The following SHISA9 variants were observed in gnomAD, a reference collection of about 807,000 sequenced individuals.
The protein encoded by SHISA9 is protein shisa-9.
A neutral mutation model predicts 38.0 loss-of-function variants in SHISA9; 13 were observed. That is an observed-to-expected ratio of 0.34 (90% CI 0.22 to 0.54). SHISA9 has a LOEUF of 0.54. Ranked by LOEUF, SHISA9 falls within the 20% of genes least tolerant of loss-of-function variation. The pLI is 0.91. For synonymous variants in SHISA9, 275 were observed against 242.0 expected, an observed-to-expected ratio of 1.14 and a Z score of -1.27; for missense variants, 538 against 575.8, an observed-to-expected ratio of 0.93 and a Z score of 0.67.
At chr16:13,457,370 G>T in the SHISA9 span, among the ~76,000 whole-genome samples, 1 of 152,098 alleles carries the variant, frequency 6.6e-6, no homozygotes, top group Non-Finnish European at 1.5e-5. Flanking sequence ...AAAACTCAGG[G>T]TGCTTTTGCT....
intron 2 of SHISA9, among the ~76,000 whole-genome samples, chr16:12,960,476 T>C (rs1370013579): frequency 6.6e-6 from 1 of 152,156 alleles, no homozygotes; most frequent in East Asian, 1.9e-4. Context: ...CATATGTTCA[T>C]TGCAGCAATA....
the SHISA9 span, among the ~76,000 whole-genome samples, chr16:13,436,735 A>C: frequency 7.7e-4 from 117 of 152,178 alleles, 4 homozygotes; most frequent in East Asian, 0.019. Flanking sequence ...AACTTTAGGC[A>C]CCTGTTACTA....
the SHISA9 span, among the ~76,000 whole-genome samples, chr16:13,260,007 CTTT>C: frequency 7.3e-3 from 442 of 60,388 alleles, 3 homozygotes; most frequent in African/African-American, 0.028. Flanking sequence ...TTCTTTCTTT[CTTT>C]TTTTTTTTTT....
chr16:13,308,938 A>G, the SHISA9 span, among the ~76,000 whole-genome samples: 1 of 152,230 alleles, frequency 6.6e-6, no homozygotes, highest in African/African-American at 2.4e-5. Flanking sequence ...GATTGGACAA[A>G]GAATAGTTAG....
intron 2 of SHISA9, among the ~76,000 whole-genome samples, chr16:12,978,034 A>T (rs4781369): frequency 6.6e-6 from 1 of 151,910 alleles, no homozygotes; most frequent in Non-Finnish European, 1.5e-5. Flanking sequence ...GGGTGAATAA[A>T]GATGGGGGAG....
the SHISA9 span, among the ~76,000 whole-genome samples, chr16:13,250,222 AG>A: frequency 1.3e-5 from 2 of 152,224 alleles, no homozygotes; most frequent in Admixed American, 1.3e-4. Flanking sequence ...CCAGACCCTC[AG>A]GTGTGACAGA....
chr16:13,242,843 T>A (rs2051445011), downstream of SHISA9, among the ~76,000 whole-genome samples: 1 of 152,214 alleles, frequency 6.6e-6, no homozygotes, highest in Non-Finnish European at 1.5e-5. Context: ...GGGATTTTAG[T>A]GTGTATATTA....
intron 2 of SHISA9, among the ~76,000 whole-genome samples, chr16:12,938,505 T>C (rs1385244597): frequency 1.3e-5 from 2 of 149,594 alleles, no homozygotes; most frequent in Non-Finnish European, 3.0e-5. Flanking sequence ...TCTCTCTCTC[T>C]TTTTTTTTTG....
At chr16:13,189,120 A>G (rs66467356) in intron 2 of SHISA9, among the ~76,000 whole-genome samples, 22,734 of 152,262 alleles carry the variant, frequency 0.15, 1,979 homozygotes, top group Middle Eastern at 0.23. Context: ...TCAGACTTCT[A>G]GCTCTGGGGA....
At chr16:13,498,955 ATC>A in the SHISA9 span, among the ~76,000 whole-genome samples, 3 of 152,122 alleles carry the variant, frequency 2.0e-5, no homozygotes, top group Non-Finnish European at 4.4e-5. Flanking sequence ...TTTGGAAAGA[ATC>A]TGCCTTCTTG....
At chr16:12,939,663 T>C (rs754781858) in intron 2 of SHISA9, among the ~76,000 whole-genome samples, 9 of 152,156 alleles carry the variant, frequency 5.9e-5, no homozygotes, top group Non-Finnish European at 1.3e-4. Flanking sequence ...GTGCTTTTTT[T>C]CCACTCCATC....
chr16:13,469,120 T>C, the SHISA9 span, among the ~76,000 whole-genome samples: 1 of 151,128 alleles, frequency 6.6e-6, no homozygotes, highest in Non-Finnish European at 1.5e-5. Flanking sequence ...TGGGTGTCTG[T>C]AATCCCAGCT....
intron 2 of SHISA9, among the ~76,000 whole-genome samples, chr16:12,963,237 G>C (rs904305831): frequency 6.6e-6 from 1 of 152,178 alleles, no homozygotes; most frequent in African/African-American, 2.4e-5. Flanking sequence ...GAGATGAGTG[G>C]GAATGGTGAG....
At chr16:13,076,987 C>T (rs560015864) in intron 2 of SHISA9, among the ~76,000 whole-genome samples, 23 of 152,168 alleles carry the variant, frequency 1.5e-4, no homozygotes, top group Non-Finnish European at 2.8e-4. Flanking sequence ...GGGTTACAAC[C>T]GGGTTTGAGG....
chr16:13,262,130 T>A, the SHISA9 span, among the ~76,000 whole-genome samples: 17 of 152,194 alleles, frequency 1.1e-4, no homozygotes, highest in Non-Finnish European at 1.9e-4. Flanking sequence ...ATCTCCACTA[T>A]CCTCAAATGC....
At chr16:13,366,880 G>T in the SHISA9 span, among the ~76,000 whole-genome samples, 1 of 150,826 alleles carries the variant, frequency 6.6e-6, no homozygotes, top group Admixed American at 6.6e-5. Context: ...CTACTCAGGA[G>T]ACTGAGGCAG....
the SHISA9 span, among the ~76,000 whole-genome samples, chr16:13,350,934 A>G: frequency 2.0e-5 from 3 of 152,196 alleles, no homozygotes; most frequent in Non-Finnish European, 4.4e-5. Flanking sequence ...GGGAACATGA[A>G]GCCCGCAATA....
At chr16:13,117,894 A>C (rs902671678) in intron 2 of SHISA9, among the ~76,000 whole-genome samples, 1 of 152,184 alleles carries the variant, frequency 6.6e-6, no homozygotes, top group Non-Finnish European at 1.5e-5. Context: ...TAAAAAGCTC[A>C]CAGTCAGCCT....
Position 12,970,492 on chromosome 16 carries a change from TATA to T in SHISA9, c.691+53678_691+53680del, listed in dbSNP as rs1282321161. On this transcript the variant is annotated intron_variant, in intron 2 of 4. Transcript: ENST00000558583. ...GTGTATATATATATATATATATATA[TATA>T]TATTTTTTTTTTTTTTTTTTTTTTT... is the stretch of plus-strand genomic sequence containing the variant. 3.4e-3 allele frequency among the ~76,000 whole-genome samples: 102 copies of T among 29,710 alleles called. 3 individuals carry two copies. The highest frequency in any genetic ancestry group is 5.2e-3 in the Non-Finnish European group (83 of 15,836). The allele number at this position is 29,710 out of a possible 152,430, so 19.5% of individuals were successfully genotyped here.
Sources: allele counts gnomAD v4.1 joint callset (sites outside exome capture counted in the v4.1 genomes callset), GRCh38; gene constraint gnomAD v4.1.1; transcripts MANE v1.5; gene names NCBI Gene and HGNC (gene_info 2026-07-23, HGNC 2026-07-21).